Variants in CREB5 observed in about 807,000 individuals in gnomAD.
CREB5 encodes cAMP responsive element binding protein 5.
CREB5 carries 19 observed loss-of-function variants against 57.1 expected under a neutral mutation model. That is an observed-to-expected ratio of 0.33 (90% CI 0.23 to 0.49). The LOEUF (loss-of-function observed/expected upper bound fraction) is 0.49, where lower values mean the gene tolerates loss of function less well. CREB5 is among the 20% of genes least tolerant of loss of function. CREB5 has a pLI of 0.99. For synonymous variants in CREB5, 238 were observed against 238.3 expected, an observed-to-expected ratio of 1.00 and a Z score of 0.01; for missense variants, 579 against 671.6, an observed-to-expected ratio of 0.86 and a Z score of 1.52.
intron 1 of CREB5, among the ~76,000 whole-genome samples, chr7:28,370,140 G>C (rs1299784082): frequency 6.6e-6 from 1 of 152,172 alleles, no homozygotes; most frequent in East Asian, 1.9e-4. Context: ...AATGGGAAGG[G>C]TAAGTATTTA....
At chr7:28,411,800 G>A (rs1027444335), upstream of CREB5, among the ~76,000 whole-genome samples, 2 of 152,204 alleles carry the variant, frequency 1.3e-5, no homozygotes, top group African/African-American at 2.4e-5. Flanking sequence ...AGGCATTTGT[G>A]AAACTCCTGT....
chr7:28,430,143 A>G (rs1265830066), intron 1 of CREB5, among the ~76,000 whole-genome samples: 1 of 152,212 alleles, frequency 6.6e-6, no homozygotes, highest in African/African-American at 2.4e-5. Flanking sequence ...GGCTCCATGG[A>G]TACATATTTG....
At chr7:28,432,296 C>T (rs922709647) in intron 1 of CREB5, among the ~76,000 whole-genome samples, 1 of 152,132 alleles carries the variant, frequency 6.6e-6, no homozygotes, top group Non-Finnish European at 1.5e-5. Flanking sequence ...GAAATTCATT[C>T]AGAAAAACAC....
At chr7:28,330,401 C>CTTTTTTTTTTTTTTTTTTTTTTT (rs10699932) in intron 1 of CREB5, among the ~76,000 whole-genome samples, 9 of 88,540 alleles carry the variant, frequency 1.0e-4, no homozygotes, top group African/African-American at 1.5e-4. Flanking sequence ...GAGAACCTTA[C>CTTTTTTTTTTTTTTTTTTTTTTT]TTTTTTTTTT....
intron 7 of CREB5, among the ~76,000 whole-genome samples, chr7:28,767,699 C>T (rs912620419): frequency 2.6e-4 from 39 of 152,294 alleles, no homozygotes; most frequent in African/African-American, 8.9e-4. Flanking sequence ...TGGCTTTTTC[C>T]ACATAAAAGA....
chr7:28,729,365 C>G (rs890937102), intron 7 of CREB5, among the ~76,000 whole-genome samples: 4 of 152,294 alleles, frequency 2.6e-5, no homozygotes, highest in African/African-American at 9.6e-5. Context: ...GTGCTTCTGT[C>G]GGCTCGTGGT....
chr7:28,562,583 C>T (rs951451205), intron 4 of CREB5, among the ~76,000 whole-genome samples: 1 of 152,176 alleles, frequency 6.6e-6, no homozygotes, highest in African/African-American at 2.4e-5. Context: ...GGGGCTAAGG[C>T]CACTGATGAT....
At chr7:28,412,406 C>G (rs1454840475), upstream of CREB5, 1 of 152,254 alleles carries the variant, frequency 6.6e-6, no homozygotes, top group Non-Finnish European at 1.5e-5. Flanking sequence ...TGAAAGTGTC[C>G]CCCCTTCTAG....
intron 7 of CREB5, among the ~76,000 whole-genome samples, chr7:28,780,409 T>TA (rs1806905702): frequency 6.6e-6 from 1 of 152,180 alleles, no homozygotes; most frequent in Admixed American, 6.5e-5. Flanking sequence ...CACAACGTAA[T>TA]TAATCCTATA....
At chr7:28,649,509 A>C (rs1047833096) in intron 5 of CREB5, among the ~76,000 whole-genome samples, 3 of 152,210 alleles carry the variant, frequency 2.0e-5, no homozygotes, top group Admixed American at 6.5e-5. Flanking sequence ...ACTATCTGGC[A>C]CTTTACAAAA....
At chr7:28,593,223 T>A (rs1449463373) in intron 5 of CREB5, among the ~76,000 whole-genome samples, 1 of 152,052 alleles carries the variant, frequency 6.6e-6, no homozygotes, top group Non-Finnish European at 1.5e-5. Flanking sequence ...CAAGTTTTTT[T>A]ATTTTATTGA....
intron 1 of CREB5, among the ~76,000 whole-genome samples, chr7:28,333,800 T>G (rs1785760837): frequency 2.0e-5 from 3 of 152,362 alleles, no homozygotes; most frequent in Middle Eastern, 3.4e-3. Context: ...CATCTGCTGA[T>G]GAACACTTAG....
At chr7:28,301,942 CTGAG>C (rs1785104108) in intron 1 of CREB5, among the ~76,000 whole-genome samples, 1 of 152,160 alleles carries the variant, frequency 6.6e-6, no homozygotes, top group African/African-American at 2.4e-5. Flanking sequence ...GGAAAAGTGA[CTGAG>C]TGAAGTCAGA....
At chr7:28,322,533 C>G (rs1443846251) in intron 1 of CREB5, among the ~76,000 whole-genome samples, 5 of 152,024 alleles carry the variant, frequency 3.3e-5, no homozygotes, top group Admixed American at 3.3e-4. Context: ...CACCTATCAA[C>G]CCATCATCTA....
chr7:28,397,749 T>G (rs1271072727), intron 1 of CREB5, among the ~76,000 whole-genome samples: 1 of 152,180 alleles, frequency 6.6e-6, no homozygotes, highest in African/African-American at 2.4e-5. Flanking sequence ...GTGATGACTA[T>G]GAACCACTGA....
At chr7:28,377,313 A>G (rs536402610) in intron 1 of CREB5, among the ~76,000 whole-genome samples, 119 of 152,348 alleles carry the variant, frequency 7.8e-4, no homozygotes, top group Middle Eastern at 3.4e-3. Flanking sequence ...AGATTTCAAA[A>G]ACTCAGTATG....
intron 1 of CREB5, among the ~76,000 whole-genome samples, chr7:28,372,952 C>A (rs770849741): frequency 3.3e-5 from 5 of 152,124 alleles, no homozygotes; most frequent in African/African-American, 1.2e-4. Flanking sequence ...CAGTGTGGTG[C>A]GGCGGGGATG....
intron 1 of CREB5, among the ~76,000 whole-genome samples, chr7:28,434,267 C>A (rs1165314339): frequency 6.6e-6 from 1 of 152,088 alleles, no homozygotes; most frequent in Non-Finnish European, 1.5e-5. Context: ...AAGGTATGCA[C>A]TAATTAATTA....
chr7:28,634,790 GT>G (rs1798346873), intron 5 of CREB5, among the ~76,000 whole-genome samples: 1 of 152,058 alleles, frequency 6.6e-6, no homozygotes, highest in South Asian at 2.1e-4. Flanking sequence ...GAAGAATTTA[GT>G]CTGTATCTCT....
Sources: allele counts gnomAD v4.1 joint callset (sites outside exome capture counted in the v4.1 genomes callset), GRCh38; gene constraint gnomAD v4.1.1; transcripts MANE v1.5; gene names NCBI Gene and HGNC (gene_info 2026-07-23, HGNC 2026-07-21).